The following MGAT4C variants were observed in gnomAD, a reference collection of about 807,000 sequenced individuals.
MGAT4C encodes the protein alpha-1,3-mannosyl-glycoprotein 4-beta-N-acetylglucosaminyltransferase C.
A neutral mutation model predicts 40.1 loss-of-function variants in MGAT4C; 19 were observed. That is an observed-to-expected ratio of 0.47 (90% CI 0.33 to 0.70). The LOEUF (loss-of-function observed/expected upper bound fraction) is 0.70. MGAT4C is among the 30% of genes least tolerant of loss of function. MGAT4C has a pLI of 0.02. For synonymous variants in MGAT4C, 181 were observed against 187.1 expected, an observed-to-expected ratio of 0.97 and a Z score of 0.27; for missense variants, 491 against 563.2, an observed-to-expected ratio of 0.87 and a Z score of 1.30.
At chr12:86,690,628 C>T (rs1201413257) in intron 2 of MGAT4C, among the ~76,000 whole-genome samples, 2 of 152,140 alleles carry the variant, frequency 1.3e-5, no homozygotes, top group Non-Finnish European at 2.9e-5. Context: ...TCTGCTTGCC[C>T]TCTGTGGGCT....
At chr12:86,589,228 C>T (rs1035754388) in intron 2 of MGAT4C, among the ~76,000 whole-genome samples, 23 of 152,082 alleles carry the variant, frequency 1.5e-4, no homozygotes, top group African/African-American at 5.5e-4. Context: ...GATATCACCA[C>T]CAATCCCACA....
At chr12:86,307,043 T>G (rs1312853239) in intron 4 of MGAT4C, among the ~76,000 whole-genome samples, 1 of 150,474 alleles carries the variant, frequency 6.6e-6, no homozygotes, top group Non-Finnish European at 1.5e-5. Flanking sequence ...TTCTAGTAGA[T>G]TCAATGAAAA....
chr12:86,444,672 G>A (rs1957301484), intron 2 of MGAT4C, among the ~76,000 whole-genome samples: 1 of 152,130 alleles, frequency 6.6e-6, no homozygotes, highest in African/African-American at 2.4e-5. Context: ...TAAAATCAAA[G>A]TATTAAATTT....
At chr12:86,058,201 G>A (rs982855898) in intron 1 of MGAT4C, among the ~76,000 whole-genome samples, 1 of 152,026 alleles carries the variant, frequency 6.6e-6, no homozygotes, top group African/African-American at 2.4e-5. Context: ...GCATATAAAT[G>A]CTATAATAAA....
intron 1 of MGAT4C, among the ~76,000 whole-genome samples, chr12:86,788,139 A>AT (rs1565990973): frequency 1.2e-4 from 18 of 150,308 alleles, no homozygotes; most frequent in Admixed American, 6.7e-4. Context: ...TATATATATA[A>AT]CACCCACATA....
intron 2 of MGAT4C, among the ~76,000 whole-genome samples, chr12:86,689,558 A>G (rs570180953): frequency 2.6e-5 from 4 of 152,246 alleles, no homozygotes; most frequent in Admixed American, 2.6e-4. Flanking sequence ...TTTCCTTCTA[A>G]CAGTCAGGCT....
At chr12:86,815,291 A>G (rs903520043) in intron 1 of MGAT4C, among the ~76,000 whole-genome samples, 12 of 152,062 alleles carry the variant, frequency 7.9e-5, no homozygotes, top group African/African-American at 2.7e-4. Context: ...CAAAACCACA[A>G]CGCAATACCG....
At chr12:86,496,921 A>T (rs1958246213) in intron 2 of MGAT4C, among the ~76,000 whole-genome samples, 1 of 152,020 alleles carries the variant, frequency 6.6e-6, no homozygotes, top group African/African-American at 2.4e-5. Context: ...ATTGAACCCT[A>T]ATAGATATGA....
chr12:86,441,494 C>A (rs111773106), intron 2 of MGAT4C, among the ~76,000 whole-genome samples: 11,699 of 101,418 alleles, frequency 0.12, 577 homozygotes, highest in Middle Eastern at 0.29. Context: ...CTTTCCCTCC[C>A]CCCTCCCCCC....
chr12:86,587,845 T>G (rs1373613887), intron 2 of MGAT4C, among the ~76,000 whole-genome samples: 1 of 151,378 alleles, frequency 6.6e-6, no homozygotes, highest in African/African-American at 2.4e-5. Flanking sequence ...TAGGAGATTT[T>G]GGGCTGAGAC....
chr12:86,741,133 G>C (rs1951062031), intron 1 of MGAT4C, among the ~76,000 whole-genome samples: 1 of 150,894 alleles, frequency 6.6e-6, no homozygotes, highest in Non-Finnish European at 1.5e-5. Flanking sequence ...TATTCACTTA[G>C]GATTATGTTC....
rs191379572 is a variant in MGAT4C, at chr12:85,993,809, C to A, written c.-6-4257G>T. On this transcript the variant is annotated intron_variant, in intron 2 of 4. Transcript: ENST00000611864. The stretch of plus-strand genomic sequence containing the variant: ...AGTAGCCACCTTGTGGACCCGCAGA[C>A]CCCAGAGTCCCCAAGATGCATTTGT... Among the ~76,000 whole-genome samples, 4 of 152,292 alleles carry A rather than the reference C, an allele frequency of 2.6e-5. No homozygotes were observed. In the East Asian group the frequency reaches 7.7e-4, roughly 29 times the overall value.
intron 2 of MGAT4C, among the ~76,000 whole-genome samples, chr12:86,653,566 G>A (rs575117146): frequency 2.0e-5 from 3 of 151,866 alleles, no homozygotes; most frequent in South Asian, 4.1e-4. Context: ...GGATGTGGAC[G>A]GTTTATTAGT....
At chr12:86,491,030 C>T (rs961888278) in intron 2 of MGAT4C, among the ~76,000 whole-genome samples, 1 of 152,072 alleles carries the variant, frequency 6.6e-6, no homozygotes, top group African/African-American at 2.4e-5. Context: ...CAAGGATACC[C>T]AGGAATTGAA....
In MGAT4C at chr12:85,963,120, A is replaced by G. The variant is rs1883196684; in HGVS notation, c.*16169T>C. 6.6e-6 allele frequency: 1 copy of G among 151,958 alleles called. No homozygotes were observed. Among genetic ancestry groups the G allele is most frequent in the African/African-American group, 2.4e-5 (1 of 41,436 alleles). 9.4% of individuals were successfully genotyped at this position (151,958 alleles called of 1,614,324 possible). On this transcript the variant is annotated 3_prime_UTR_variant, in exon 5 of 5. Coordinates refer to ENST00000611864, the MANE Select transcript of MGAT4C (RefSeq NM_001351288.2). The stretch of plus-strand genomic sequence containing the variant: ...GGAAAATAGTTTTGCTTTCTGGTTT[A>G]TAAGGAACTTTTACTAGTTTAATTA...
At chr12:86,326,756 A>G (rs1305181567) in intron 4 of MGAT4C, among the ~76,000 whole-genome samples, 1 of 152,150 alleles carries the variant, frequency 6.6e-6, no homozygotes, top group Non-Finnish European at 1.5e-5. Flanking sequence ...TCTATTTCAT[A>G]CAAAATAAAA....
At chr12:86,049,751 A>G (rs1022907073) in intron 1 of MGAT4C, 28 bp from the exon 2 acceptor site, 27 of 852,858 alleles carry the variant, frequency 3.2e-5, no homozygotes, top group Non-Finnish European at 3.5e-5. Context: ...TAATATTACT[A>G]ATACAACCCA....
intron 4 of MGAT4C, among the ~76,000 whole-genome samples, chr12:86,293,614 C>A (rs1349599160): frequency 2.6e-5 from 4 of 152,078 alleles, no homozygotes; most frequent in Non-Finnish European, 5.9e-5. Flanking sequence ...TGACTTATAA[C>A]AATTGAGTCA....
chr12:86,609,860 A>G (rs1467150543), intron 2 of MGAT4C, among the ~76,000 whole-genome samples: 3 of 151,820 alleles, frequency 2.0e-5, no homozygotes. Flanking sequence ...AGGGATGTAG[A>G]ATATACCCCT....
Sources: gnomAD v4.1 joint callset for allele counts (sites outside exome capture counted in the v4.1 genomes callset) on GRCh38, gnomAD v4.1.1 for gene constraint, MANE v1.5 for transcripts, NCBI Gene and HGNC (gene_info 2026-07-23, HGNC 2026-07-21) for gene names.